Variants in ZFPM1 observed in about 807,000 individuals in gnomAD.
The protein encoded by ZFPM1 is zinc finger protein, FOG family member 1.
In ZFPM1, 28 loss-of-function variants were observed where a neutral mutation model predicts 46.3. The observed-to-expected ratio is 0.60, with a 90% CI of 0.45 to 0.83. ZFPM1 has a LOEUF of 0.83. Among genes scored for constraint, ZFPM1 ranks in the 40% least tolerant of loss-of-function variants. The probability of loss-of-function intolerance (pLI) is 0.00; values close to 1 mark genes in which losing one functional copy is unlikely to be tolerated. For synonymous variants in ZFPM1, 957 were observed against 675.9 expected (o/e 1.42, Z -6.45); for missense variants, 1,878 against 1,432.4 (o/e 1.31, Z -5.02).
intron 1 of ZFPM1, among the ~76,000 whole-genome samples, chr16:88,464,720 G>T (rs1486183090): frequency 6.6e-6 from 1 of 152,274 alleles, no homozygotes; most frequent in African/African-American, 2.4e-5. Flanking sequence ...GCCCTGCACT[G>T]TCTCCTGGTC....
chr16:88,531,997 C>A lies in ZFPM1; in HGVS notation c.713-5C>A. The A allele has an allele frequency of 6.3e-7, 1 of 1,594,610 alleles. No individual in the cohort carries two copies. Among genetic ancestry groups the A allele is most frequent in the Non-Finnish European group, 8.6e-7 (1 of 1,167,374 alleles). On this transcript the variant is annotated splice_region_variant and splice_polypyrimidine_tract_variant and intron_variant, in intron 6 of 9. Transcript: ENST00000319555. ...GCCTGACCCCGCCTGCTTCCCACCC[C>A]ACAGAAGACGTCTTCCCCTGCAAGG...
intron 1 of ZFPM1, among the ~76,000 whole-genome samples, chr16:88,474,095 A>G (rs754018562): frequency 2.6e-5 from 4 of 152,208 alleles, no homozygotes; most frequent in Non-Finnish European, 5.9e-5. Context: ...CCGCACCGAT[A>G]GGATGTGGAC....
Position 88,476,150 on chromosome 16 carries a change from G to A in ZFPM1, c.41-9789G>A, listed in dbSNP as rs374076404. On this transcript the variant is annotated intron_variant, in intron 1 of 9. Coordinates refer to ENST00000319555, the MANE Select transcript of ZFPM1 (RefSeq NM_153813.3). ...TGGGCACCTTCGGCCAACCAGGTGG[G>A]ACTCAGCCTGGCTCACCCACCCCAG... Among the ~76,000 whole-genome samples the A allele has an allele frequency of 1.7e-4, 26 of 152,218 alleles. 1 individual carries two copies. In the South Asian group the frequency reaches 3.5e-3, roughly 21 times the overall value.
intron 1 of ZFPM1, among the ~76,000 whole-genome samples, chr16:88,464,216 A>T (rs1272291437): frequency 6.6e-6 from 1 of 152,196 alleles, no homozygotes; most frequent in Non-Finnish European, 1.5e-5. Flanking sequence ...TGCACTGAGC[A>T]CACCTGGGCC....
chr16:88,528,795 G>A (rs1206821406), intron 6 of ZFPM1, among the ~76,000 whole-genome samples: 1 of 152,154 alleles, frequency 6.6e-6, no homozygotes, highest in African/African-American at 2.4e-5. Flanking sequence ...TGGTCATAAA[G>A]TCCTAGTCTC....
chr16:88,526,979 C>A, intron 5 of ZFPM1, 63 bp downstream of exon 5: 1 of 1,509,866 alleles, frequency 6.6e-7, no homozygotes, highest in South Asian at 1.3e-5. Context: ...TTGGCTCCCC[C>A]TGGGCTGAGC....
At chr16:88,478,368 G>A (rs1055351799) in intron 1 of ZFPM1, among the ~76,000 whole-genome samples, 1 of 152,258 alleles carries the variant, frequency 6.6e-6, no homozygotes, top group African/African-American at 2.4e-5. Flanking sequence ...GGCCAGGGGT[G>A]GGGCTGCTGC....
intron 4 of ZFPM1, among the ~76,000 whole-genome samples, chr16:88,525,060 A>G (rs1912204726): frequency 6.6e-6 from 1 of 152,260 alleles, no homozygotes; most frequent in African/African-American, 2.4e-5. Flanking sequence ...ACCTTGCCTG[A>G]GTAGTCACTG....
chr16:88,453,249 A>T (rs993856491), upstream of ZFPM1: 2 of 145,228 alleles, frequency 1.4e-5, no homozygotes, highest in African/African-American at 5.0e-5. Flanking sequence ...GCGGCCGACG[A>T]CGCTCAGGCC....
intron 4 of ZFPM1, among the ~76,000 whole-genome samples, chr16:88,518,042 C>G (rs1460016563): frequency 6.6e-6 from 1 of 151,932 alleles, no homozygotes; most frequent in Non-Finnish European, 1.5e-5. Context: ...AACCCCGTCT[C>G]TATTAAAAAA....
rs1268150838 is a variant in ZFPM1, at chr16:88,534,123, G to A, written c.2165G>A (p.Gly722Glu). 2.7e-5 allele frequency: 30 copies of A among 1,098,742 alleles called. No individual in the cohort carries two copies. The highest frequency in any genetic ancestry group is 3.4e-5 in the Non-Finnish European group (30 of 885,844). The allele number at this position is 1,098,742 out of a possible 1,614,324, so 68.1% of individuals were successfully genotyped here. A position where few individuals can be genotyped will look rare whatever the true frequency, so the allele number is the denominator to read the frequency against. Residue 722 changes from glycine to glutamate, a missense_variant, in exon 10 of 10, where the codon GGA (glycine) becomes GAA (glutamate). By Grantham distance (98) the Gly-to-Glu change is moderately conservative. Coordinates refer to ENST00000319555, the MANE Select transcript of ZFPM1 (RefSeq NM_153813.3). ...PPPRRPAAPP[G>E]PPGPAAPPAP... ...CCGCGCCGACCGGCCGCGCCCCCGG[G>A]ACCCCCTGGGCCGGCCGCGCCCCCG... is the stretch of plus-strand genomic sequence containing the variant.
intron 1 of ZFPM1, among the ~76,000 whole-genome samples, chr16:88,466,072 TG>T (rs957056366): frequency 2.0e-5 from 3 of 152,172 alleles, no homozygotes; most frequent in African/African-American, 7.2e-5. Flanking sequence ...GGGCTCCCAG[TG>T]GGTGCAGGCC....
At chr16:88,500,358 G>A (rs1049487439) in intron 3 of ZFPM1, among the ~76,000 whole-genome samples, 1 of 152,194 alleles carries the variant, frequency 6.6e-6, no homozygotes. Context: ...GGGCGCTCTT[G>A]GGAGGACCCT....
In ZFPM1 at chr16:88,453,348, A is replaced by G; in HGVS notation, c.-291A>G. Reference sequence around the variant, plus strand: ...TCGCCGCCCGCGGGTTCCATTGAGAAAAGCCGAGCGGCCGCGGCGGCGGCG... The same window carrying G: ...TCGCCGCCCGCGGGTTCCATTGAGAGAAGCCGAGCGGCCGCGGCGGCGGCG... On this transcript the variant is annotated 5_prime_UTR_variant, in exon 1 of 10. Coordinates refer to ENST00000319555, the MANE Select transcript of ZFPM1 (RefSeq NM_153813.3). The G allele has an allele frequency of 6.8e-6, 1 of 146,472 alleles. No individual in the cohort carries two copies. 9.1% of individuals were successfully genotyped at this position (146,472 alleles called of 1,614,324 possible).
intron 3 of ZFPM1, among the ~76,000 whole-genome samples, chr16:88,509,490 G>C (rs1298921712): frequency 6.6e-6 from 1 of 152,240 alleles, no homozygotes; most frequent in Non-Finnish European, 1.5e-5. Flanking sequence ...GGGAAGGCCA[G>C]CTGTGTGCAG....
intron 1 of ZFPM1, among the ~76,000 whole-genome samples, chr16:88,458,453 C>A (rs1026292963): frequency 4.6e-5 from 7 of 152,352 alleles, no homozygotes; most frequent in African/African-American, 1.7e-4. Flanking sequence ...CATCCAGCAC[C>A]ACTGGGGATT....
Position 88,532,177 on chromosome 16 carries a change from G to C in ZFPM1, c.888G>C (p.Gln296His), listed in dbSNP as rs776242064. Reference protein sequence around the residue: ...YPNERVCPFPQCRKSCPSASS... With the variant: ...YPNERVCPFPHCRKSCPSASS... ...ACGAGCGCGTCTGCCCCTTCCCCCA[G>C]TGCCGCAAGAGCTGCCCCAGCGCCA... is the stretch of plus-strand genomic sequence containing the variant. Residue 296 changes from glutamine (Q) to histidine (H), a missense_variant, in exon 7 of 10, where the codon CAG (glutamine) becomes CAC (histidine). Coordinates refer to ENST00000319555, the MANE Select transcript of ZFPM1 (RefSeq NM_153813.3). 1.2e-6 allele frequency: 2 copies of C among 1,611,774 alleles called. No individual in the cohort carries two copies. The highest frequency in any genetic ancestry group is 2.7e-5 in the African/African-American group (2 of 75,016).
intron 4 of ZFPM1, among the ~76,000 whole-genome samples, chr16:88,514,919 G>A (rs1013524438): frequency 6.6e-6 from 1 of 152,150 alleles, no homozygotes; most frequent in African/African-American, 2.4e-5. Context: ...TGTCCCCGCG[G>A]ACTCTTCTGA....
chr16:88,464,741 G>A (rs1331422386), intron 1 of ZFPM1, among the ~76,000 whole-genome samples: 1 of 152,226 alleles, frequency 6.6e-6, no homozygotes, highest in Non-Finnish European at 1.5e-5. Flanking sequence ...CGGGCCTCTG[G>A]CGGGCACAGG....
Sources: gnomAD v4.1 joint callset for allele counts (sites outside exome capture counted in the v4.1 genomes callset) on GRCh38, gnomAD v4.1.1 for gene constraint, MANE v1.5 for transcripts, NCBI Gene and HGNC (gene_info 2026-07-23, HGNC 2026-07-21) for gene names.